The following ERBIN variants were observed in gnomAD, a reference collection of about 807,000 sequenced individuals.
The protein encoded by ERBIN is erbb2 interacting protein, also known as densin-180-like protein.
In ERBIN, 60 loss-of-function variants were observed where a neutral mutation model predicts 158.4. The ratio of observed to expected loss-of-function variants is 0.38; its 90% CI spans 0.31 to 0.47. The LOEUF is 0.47. ERBIN is among the 20% of genes least tolerant of loss of function. The pLI, the probability that ERBIN is intolerant of heterozygous loss-of-function variation, is 0.99. For synonymous variants in ERBIN, 594 were observed against 557.2 expected (o/e 1.07, Z -0.93); for missense variants, 1,610 against 1,648.0 (o/e 0.98, Z 0.40).
At chr5:66,021,008 A>G (rs1353828662) in intron 7 of ERBIN, among the ~76,000 whole-genome samples, 1 of 152,004 alleles carries the variant, frequency 6.6e-6, no homozygotes, top group East Asian at 1.9e-4. Context: ...CTTGTACTAT[A>G]TGAAAATTCA....
chr5:66,055,418 G>A (rs1479936402), intron 21 of ERBIN, among the ~76,000 whole-genome samples: 1 of 152,104 alleles, frequency 6.6e-6, no homozygotes, highest in African/African-American at 2.4e-5. Flanking sequence ...TGACACAGAT[G>A]GCTTCTGGCA....
chr5:66,063,993 A>G (rs184693238), intron 21 of ERBIN, among the ~76,000 whole-genome samples: 15 of 152,318 alleles, frequency 9.8e-5, no homozygotes, highest in Admixed American at 8.5e-4. Flanking sequence ...AGATTATTTC[A>G]TAGTTTAGGT....
chr5:65,959,710 A>G (rs987537757), intron 1 of ERBIN, among the ~76,000 whole-genome samples: 1 of 152,206 alleles, frequency 6.6e-6, no homozygotes, highest in East Asian at 1.9e-4. Flanking sequence ...CCCCTTTTAT[A>G]TAGCATATAT....
chr5:66,000,554 T>C lies in ERBIN; in HGVS notation c.307+5690T>C, dbSNP rs150736013. On this transcript the variant is annotated intron_variant, in intron 4 of 25. Transcript: ENST00000284037. ...AGATAATCTTTATGTGATCAAAAGA[T>C]TTAGGAAAAGTACTTAACTGTTCTT... 2.1e-3 allele frequency among the ~76,000 whole-genome samples: 325 copies of C among 152,274 alleles called. 1 individual carries two copies. Among genetic ancestry groups the C allele is most frequent in the African/African-American group, 7.7e-3 (319 of 41,584 alleles).
chr5:66,075,806 C>T (rs1302835967), intron 23 of ERBIN, among the ~76,000 whole-genome samples: 1 of 151,884 alleles, frequency 6.6e-6, no homozygotes, highest in African/African-American at 2.4e-5. Flanking sequence ...GTTATAAAAA[C>T]TCTCAATTGG....
intron 1 of ERBIN, among the ~76,000 whole-genome samples, chr5:65,952,386 C>T (rs1326543560): frequency 1.3e-5 from 2 of 152,004 alleles, no homozygotes; most frequent in East Asian, 3.9e-4. Flanking sequence ...TCTCACTATG[C>T]TTCCCAGGCA....
chr5:66,061,301 C>G (rs1365451254), intron 21 of ERBIN, among the ~76,000 whole-genome samples: 4 of 151,936 alleles, frequency 2.6e-5, no homozygotes, highest in Non-Finnish European at 5.9e-5. Flanking sequence ...ATGTAATGGC[C>G]TTCTTTGACT....
chr5:66,011,748 A>G (rs191273819), intron 4 of ERBIN, among the ~76,000 whole-genome samples: 5 of 152,324 alleles, frequency 3.3e-5, no homozygotes, highest in Admixed American at 3.3e-4. Flanking sequence ...AACAGAAAGA[A>G]TGTTAAATGT....
intron 8 of ERBIN, among the ~76,000 whole-genome samples, chr5:66,021,857 T>C (rs543042569): frequency 6.6e-6 from 1 of 152,116 alleles, no homozygotes; most frequent in Non-Finnish European, 1.5e-5. Context: ...ACCTTTTTGT[T>C]TGTGCTTTGT....
At chr5:66,049,727 AATCATCTATGGATATGTCT>A (rs1033552505) in intron 19 of ERBIN, among the ~76,000 whole-genome samples, 1 of 152,136 alleles carries the variant, frequency 6.6e-6, no homozygotes, top group African/African-American at 2.4e-5. Context: ...TAATTCATAT[AATCATCTATGGATATGTCT>A]ATATACACTA....
intron 14 of ERBIN, among the ~76,000 whole-genome samples, chr5:66,029,564 T>C (rs1235974064): frequency 4.0e-5 from 6 of 151,544 alleles, no homozygotes; most frequent in African/African-American, 7.3e-5. Flanking sequence ...TCTGTTCTGT[T>C]CTGTTCTGTC....
Position 66,078,628 on chromosome 5 carries a change from ACT to A in ERBIN, c.*100_*101del. ...TGACTATTTTTATATATAAAGAAGAACTCAAAAAATTATGTTCAAATTTGTAC... is the reference window on the plus strand; with the variant it reads ...TGACTATTTTTATATATAAAGAAGAACAAAAAATTATGTTCAAATTTGTAC... On this transcript the variant is annotated 3_prime_UTR_variant, in exon 26 of 26. Transcript: ENST00000284037. 1.3e-6 allele frequency: 1 copy of A among 757,318 alleles called. No homozygotes were observed. Among genetic ancestry groups the A allele is most frequent in the East Asian group, 2.7e-5 (1 of 36,824 alleles). The allele number at this position is 757,318 out of a possible 1,614,324, so 46.9% of individuals were successfully genotyped here. A position where few individuals can be genotyped will look rare whatever the true frequency, so the allele number is the denominator to read the frequency against.
intron 1 of ERBIN, among the ~76,000 whole-genome samples, chr5:65,937,910 A>AAAT (rs1018591833): frequency 2.6e-5 from 4 of 151,974 alleles, no homozygotes; most frequent in South Asian, 2.1e-4. Context: ...TCCCATCTCA[A>AAAT]AATAATAATA....
chr5:66,011,022 C>T (rs1426409331), intron 4 of ERBIN, among the ~76,000 whole-genome samples: 1 of 152,150 alleles, frequency 6.6e-6, no homozygotes, highest in Non-Finnish European at 1.5e-5. Flanking sequence ...AACCATAATC[C>T]TTTATCTCAT....
chr5:66,047,852 C>T (rs1053871835), intron 18 of ERBIN, among the ~76,000 whole-genome samples: 24 of 151,974 alleles, frequency 1.6e-4, no homozygotes, highest in African/African-American at 5.5e-4. Flanking sequence ...AGTGTAATTT[C>T]TATGTGTAAG....
intron 1 of ERBIN, among the ~76,000 whole-genome samples, chr5:65,957,913 G>C (rs1036058311): frequency 6.6e-6 from 1 of 151,268 alleles, no homozygotes; most frequent in African/African-American, 2.4e-5. Context: ...GGCGGCTGCC[G>C]GGCGGAGGGG....
intron 7 of ERBIN, among the ~76,000 whole-genome samples, chr5:66,017,355 T>C (rs1207307809): frequency 6.6e-6 from 1 of 152,134 alleles, no homozygotes. Context: ...TTGCTAGTTA[T>C]TGCCTGTCTT....
At chr5:66,074,669 G>A (rs867617432) in intron 22 of ERBIN, among the ~76,000 whole-genome samples, 2 of 152,192 alleles carry the variant, frequency 1.3e-5, no homozygotes, top group Admixed American at 6.5e-5. Context: ...TAAAATTTTG[G>A]TATACTATGT....
At chr5:66,049,219 T>A (rs895335412) in intron 19 of ERBIN, among the ~76,000 whole-genome samples, 1 of 152,090 alleles carries the variant, frequency 6.6e-6, no homozygotes, top group African/African-American at 2.4e-5. Context: ...ACAAAACATT[T>A]TTTTACACTC....
Sources: allele counts gnomAD v4.1 joint callset (sites outside exome capture counted in the v4.1 genomes callset), GRCh38; gene constraint gnomAD v4.1.1; transcripts MANE v1.5; gene names NCBI Gene and HGNC (gene_info 2026-07-23, HGNC 2026-07-21).